The following NLGN1 variants were observed in gnomAD, a reference collection of about 807,000 sequenced individuals.
NLGN1 encodes neuroligin 1.
A neutral mutation model predicts 65.5 loss-of-function variants in NLGN1; 12 were observed. The ratio of observed to expected loss-of-function variants is 0.18; its 90% CI spans 0.12 to 0.30. The LOEUF (loss-of-function observed/expected upper bound fraction) is 0.30. NLGN1 is among the 10% of genes least tolerant of loss of function. The pLI, the probability that NLGN1 is intolerant of heterozygous loss-of-function variation, is 1.00. For missense variants in NLGN1, 750 were observed against 1,007.1 expected (o/e 0.74, Z 3.46); for synonymous variants, 350 against 359.5 (o/e 0.97, Z 0.30).
At chr3:173,539,622 ATT>A (rs1738161348) in intron 2 of NLGN1, among the ~76,000 whole-genome samples, 2 of 67,188 alleles carry the variant, frequency 3.0e-5, no homozygotes, top group Non-Finnish European at 6.3e-5. Flanking sequence ...TATATTATAT[ATT>A]TATATATACA....
At position 174,275,434 on chromosome 3, in the gene NLGN1, ACT is replaced by A; in HGVS notation, c.767_768del (p.Thr256SerfsTer21). The A allele has an allele frequency of 6.2e-7, 1 of 1,612,704 alleles. No individual in the cohort carries two copies. Among genetic ancestry groups the A allele is most frequent in the Non-Finnish European group, 8.5e-7 (1 of 1,179,098 alleles). On this transcript the variant is annotated frameshift_variant, in exon 5 of 7. Transcript: ENST00000457714. LOFTEE classifies it high-confidence loss of function. ...CTTTGGTGGTGACCCCTTAAGAATC[ACT>A]GTTTTTGGATCTGGTGCTGGGGGTT... is the stretch of plus-strand genomic sequence containing the variant.
intron 2 of NLGN1, among the ~76,000 whole-genome samples, chr3:173,471,342 C>A (rs1384919731): frequency 6.6e-6 from 1 of 152,022 alleles, no homozygotes; most frequent in Non-Finnish European, 1.5e-5. Flanking sequence ...CTTCTGAGGG[C>A]TATGAGGAAC....
At chr3:174,186,978 T>TA (rs11415658) in intron 4 of NLGN1, among the ~76,000 whole-genome samples, 118,507 of 151,840 alleles carry the variant, frequency 0.78, 46,502 homozygotes, top group African/African-American at 0.86. Flanking sequence ...GTCCCTTATA[T>TA]AAATGGCATA....
intron 4 of NLGN1, among the ~76,000 whole-genome samples, chr3:174,096,193 T>C (rs1173802057): frequency 1.3e-5 from 2 of 149,294 alleles, no homozygotes; most frequent in Non-Finnish European, 3.0e-5. Context: ...GAATATATAA[T>C]ACATATGTAA....
At chr3:174,087,646 C>G (rs1743679691) in intron 4 of NLGN1, among the ~76,000 whole-genome samples, 1 of 152,032 alleles carries the variant, frequency 6.6e-6, no homozygotes, top group African/African-American at 2.4e-5. Flanking sequence ...TGTATCCTGG[C>G]CTTTAGATAT....
chr3:173,452,127 A>G (rs1721673697), intron 2 of NLGN1, among the ~76,000 whole-genome samples: 1 of 152,032 alleles, frequency 6.6e-6, no homozygotes. Context: ...GGTAATGCAG[A>G]AATCACCCAT....
rs548142192 is a variant in NLGN1 at position 173,844,948 on chromosome 3, T to A, written c.646+37116T>A. Among the ~76,000 whole-genome samples the A allele has an allele frequency of 2.5e-4, 38 of 152,372 alleles. 1 individual carries two copies. In the South Asian group the frequency reaches 4.8e-3, roughly 19 times the overall value. On this transcript the variant is annotated intron_variant, in intron 4 of 6. Transcript: ENST00000457714. Reference sequence around the variant, plus strand: ...ACATGTGAATGAAGACATTATGTTATGATCTGTGGAAGTTCTTTGTACTCA... The same window carrying A: ...ACATGTGAATGAAGACATTATGTTAAGATCTGTGGAAGTTCTTTGTACTCA...
At chr3:174,145,191 A>G (rs1722982839) in intron 4 of NLGN1, among the ~76,000 whole-genome samples, 1 of 152,006 alleles carries the variant, frequency 6.6e-6, no homozygotes, top group Non-Finnish European at 1.5e-5. Context: ...TTTGTTACCT[A>G]TTTTGTATTT....
intron 4 of NLGN1, among the ~76,000 whole-genome samples, chr3:174,272,849 A>ATAAC (rs1749729799): frequency 6.6e-6 from 1 of 151,644 alleles, no homozygotes; most frequent in Non-Finnish European, 1.5e-5. Flanking sequence ...CTACAGCACA[A>ATAAC]TAACTTCTAC....
chr3:174,004,026 GC>G (rs570933476), intron 4 of NLGN1, among the ~76,000 whole-genome samples: 54 of 152,222 alleles, frequency 3.5e-4, no homozygotes, highest in Non-Finnish European at 4.7e-4. Context: ...ATGCAGTTCT[GC>G]AATTTCTTTT....
intron 4 of NLGN1, among the ~76,000 whole-genome samples, chr3:174,075,888 A>C (rs554592938): frequency 2.8e-4 from 43 of 152,184 alleles, no homozygotes; most frequent in Non-Finnish European, 5.9e-4. Context: ...TCATGCATGG[A>C]AATAGCTAAT....
intron 4 of NLGN1, among the ~76,000 whole-genome samples, chr3:173,880,607 T>C (rs1057065229): frequency 3.3e-5 from 5 of 151,544 alleles, no homozygotes; most frequent in Non-Finnish European, 5.9e-5. Context: ...AATATTTTAT[T>C]GCTAAAAATC....
At chr3:173,713,895 A>G (rs1259039052) in intron 3 of NLGN1, among the ~76,000 whole-genome samples, 1 of 152,074 alleles carries the variant, frequency 6.6e-6, no homozygotes, top group Non-Finnish European at 1.5e-5. Context: ...AAGATATTTA[A>G]AGTGATATAT....
chr3:173,471,109 C>T (rs1725245617), intron 2 of NLGN1, among the ~76,000 whole-genome samples: 1 of 152,126 alleles, frequency 6.6e-6, no homozygotes, highest in African/African-American at 2.4e-5. Flanking sequence ...CGCCTGCATC[C>T]TTACAGCAAA....
At chr3:174,231,204 C>T (rs1577474384) in intron 4 of NLGN1, among the ~76,000 whole-genome samples, 1 of 151,980 alleles carries the variant, frequency 6.6e-6, no homozygotes, top group African/African-American at 2.4e-5. Flanking sequence ...AAACTTCAGC[C>T]GAATTAAATT....
chr3:174,244,822 A>G (rs1743502831), intron 4 of NLGN1, among the ~76,000 whole-genome samples: 1 of 152,166 alleles, frequency 6.6e-6, no homozygotes, highest in Non-Finnish European at 1.5e-5. Flanking sequence ...GTTAATCGGT[A>G]ATTTTTCACA....
At chr3:174,226,517 A>G (rs1264602639) in intron 4 of NLGN1, among the ~76,000 whole-genome samples, 1 of 152,114 alleles carries the variant, frequency 6.6e-6, no homozygotes, top group East Asian at 1.9e-4. Flanking sequence ...TCTAGTCTGG[A>G]TATGCCTTTC....
At chr3:173,556,766 T>G (rs1741773726) in intron 2 of NLGN1, among the ~76,000 whole-genome samples, 1 of 151,772 alleles carries the variant, frequency 6.6e-6, no homozygotes, top group African/African-American at 2.4e-5. Flanking sequence ...ATTGCACCAC[T>G]GCACTCCAGC....
chr3:173,784,111 T>C (rs1221201555), intron 3 of NLGN1, among the ~76,000 whole-genome samples: 1 of 152,220 alleles, frequency 6.6e-6, no homozygotes, highest in East Asian at 1.9e-4. Context: ...CCAGGTAATG[T>C]ACTCAGAACT....
Sources: allele counts gnomAD v4.1 joint callset (sites outside exome capture counted in the v4.1 genomes callset), GRCh38; gene constraint gnomAD v4.1.1; transcripts MANE v1.5; gene names NCBI Gene and HGNC (gene_info 2026-07-23, HGNC 2026-07-21).